PRSS38: variants seen among roughly 807,000 people sequenced by gnomAD.
The protein encoded by PRSS38 is marapsin 2.
Under a neutral mutation model 26.8 loss-of-function variants are expected in PRSS38, and 22 were observed. The ratio of observed to expected loss-of-function variants is 0.82; its 90% CI spans 0.59 to 1.17. The LOEUF (loss-of-function observed/expected upper bound fraction) is 1.17. PRSS38 is among the 50% of genes most tolerant of loss of function. The pLI is 0.00. For synonymous variants in PRSS38, 175 were observed against 172.1 expected (o/e 1.02, Z -0.13); for missense variants, 427 against 422.7 (o/e 1.01, Z -0.09).
chr1:227,824,043 G>A (rs1341170608), intron 3 of PRSS38, among the ~76,000 whole-genome samples: 1 of 152,150 alleles, frequency 6.6e-6, no homozygotes, highest in Non-Finnish European at 1.5e-5. Flanking sequence ...GTTTTCAATA[G>A]AGGTTGTACT....
chr1:227,834,247 C>T (rs568865746), intron 3 of PRSS38, among the ~76,000 whole-genome samples: 92 of 152,268 alleles, frequency 6.0e-4, no homozygotes, highest in African/African-American at 2.0e-3. Flanking sequence ...AACTTTTTGT[C>T]GTTTGAAACT....
At chr1:227,845,746 T>C (rs1368162865) in intron 4 of PRSS38, 134 bp downstream of exon 4, 1 of 1,225,086 alleles carries the variant, frequency 8.2e-7, no homozygotes, top group East Asian at 2.4e-5. Context: ...GGGCGATGTA[T>C]GACAATGTGT....
chr1:227,835,250 T>C (rs909418729), intron 3 of PRSS38, among the ~76,000 whole-genome samples: 1 of 152,198 alleles, frequency 6.6e-6, no homozygotes, highest in African/African-American at 2.4e-5. Context: ...ACATACTCCC[T>C]GCAGAAACAG....
At chr1:227,832,446 A>AT (rs770899029) in intron 3 of PRSS38, among the ~76,000 whole-genome samples, 3 of 151,942 alleles carry the variant, frequency 2.0e-5, no homozygotes, top group Admixed American at 2.0e-4. Context: ...TCTTCCCTTG[A>AT]TTTTTTAGAC....
At chr1:227,826,973 A>C (rs1665082705) in intron 3 of PRSS38, among the ~76,000 whole-genome samples, 2 of 152,146 alleles carry the variant, frequency 1.3e-5, no homozygotes, top group Non-Finnish European at 2.9e-5. Context: ...TATGTGATGG[A>C]TTACGTTTAT....
chr1:227,838,677 G>A (rs765055348), intron 3 of PRSS38, among the ~76,000 whole-genome samples: 9 of 152,264 alleles, frequency 5.9e-5, no homozygotes, highest in Middle Eastern at 6.8e-3. Context: ...TTAAGCTACA[G>A]GACTTACATA....
chr1:227,817,493 T>C lies in PRSS38; in HGVS notation c.583+13T>C, dbSNP rs758758887. 2.5e-6 allele frequency: 4 copies of C among 1,611,802 alleles called. No individual in the cohort carries two copies. The highest frequency in any genetic ancestry group is 2.5e-6 in the Non-Finnish European group (3 of 1,178,074). On this transcript the variant is annotated intron_variant, in intron 3 of 4. Transcript: ENST00000366757. ...GTCTCAAAACAAGGTAGGAATACAGTGCAGGGCTTTGTGGGCAGGATGAAG... is the reference window on the plus strand; with the variant it reads ...GTCTCAAAACAAGGTAGGAATACAGCGCAGGGCTTTGTGGGCAGGATGAAG...
intron 3 of PRSS38, among the ~76,000 whole-genome samples, chr1:227,819,191 ATGG>A (rs1241589751): frequency 4.6e-5 from 7 of 152,010 alleles, no homozygotes. Flanking sequence ...ATGTGGGGAG[ATGG>A]TGGTGCATGG....
At chr1:227,839,267 C>T (rs1665281263) in intron 3 of PRSS38, among the ~76,000 whole-genome samples, 1 of 152,006 alleles carries the variant, frequency 6.6e-6, no homozygotes. Context: ...TGAGACCAGT[C>T]TGGACAACAT....
intron 3 of PRSS38, among the ~76,000 whole-genome samples, chr1:227,821,523 C>A (rs1665003211): frequency 6.6e-6 from 1 of 152,112 alleles, no homozygotes; most frequent in Non-Finnish European, 1.5e-5. Context: ...TATGGAAGAT[C>A]TAGTGGTGCA....
At chr1:227,835,144 G>C (rs371432569) in intron 3 of PRSS38, among the ~76,000 whole-genome samples, 1 of 152,100 alleles carries the variant, frequency 6.6e-6, no homozygotes, top group South Asian at 2.1e-4. Context: ...TTCATCCCTC[G>C]CCAAAATGGC....
At chr1:227,820,062 C>T (rs1272012834) in intron 3 of PRSS38, among the ~76,000 whole-genome samples, 1 of 124,188 alleles carries the variant, frequency 8.1e-6, no homozygotes, top group Non-Finnish European at 1.6e-5. Flanking sequence ...GCACTCCAGC[C>T]TGGGCAACAA....
In PRSS38 at chr1:227,845,514, C is replaced by G. The variant is rs1397572750; in HGVS notation, c.628C>G (p.Leu210Val). 2 of 1,613,232 alleles carry G rather than the reference C, an allele frequency of 1.2e-6. No individual in the cohort carries two copies. Among genetic ancestry groups the G allele is most frequent in the African/African-American group, 1.3e-5 (1 of 74,894 alleles). ...GCAGGAGATGCAGCTCCCGCTGATC[C>G]TGGAGCCCTGGTGCCACCTGCTCTA... The change falls in exon 4 of 5, where the codon CTG (leucine) becomes GTG (valine). Residue 210 changes from leucine (L) to valine (V), a missense_variant. Physicochemically the swap from Leu to Val is conservative, Grantham distance 32 (BLOSUM62 1). Transcript: ENST00000366757.
At position 227,843,201 on chromosome 1, in the gene PRSS38, G is replaced by A. The variant is rs557356736; in HGVS notation, c.584-2269G>A. Among the ~76,000 whole-genome samples, 118 of 152,320 alleles carry A rather than the reference G, an allele frequency of 7.7e-4. 1 individual carries two copies. The South Asian group carries it at 0.024, about 31-fold the overall frequency. ...CTCCAGGATGCATAAATGAGCTGCAGGCCGCAAGACTTGGTTTACGATGCT... is the reference window on the plus strand; with the variant it reads ...CTCCAGGATGCATAAATGAGCTGCAAGCCGCAAGACTTGGTTTACGATGCT... On this transcript the variant is annotated intron_variant, in intron 3 of 4. Coordinates refer to ENST00000366757, the Ensembl canonical transcript of PRSS38.
intron 3 of PRSS38, among the ~76,000 whole-genome samples, chr1:227,837,966 G>A (rs1665262362): frequency 6.6e-6 from 1 of 151,878 alleles, no homozygotes; most frequent in African/African-American, 2.4e-5. Context: ...CTATTTCCCA[G>A]GCTGGTTTCA....
intron 3 of PRSS38, among the ~76,000 whole-genome samples, chr1:227,827,082 G>A (rs1163016202): frequency 2.6e-5 from 4 of 152,178 alleles, no homozygotes; most frequent in African/African-American, 9.7e-5. Flanking sequence ...CGGTTTGCCA[G>A]TATATTGTTG....
chr1:227,830,750 C>T (rs1024240508), intron 3 of PRSS38, among the ~76,000 whole-genome samples: 1 of 151,820 alleles, frequency 6.6e-6, no homozygotes, highest in East Asian at 1.9e-4. Context: ...GGTGATCTGC[C>T]CACCTCGGCC....
chr1:227,835,709 A>G (rs924163034), intron 3 of PRSS38, among the ~76,000 whole-genome samples: 31 of 152,228 alleles, frequency 2.0e-4, no homozygotes, highest in Admixed American at 5.2e-4. Context: ...AGACACTAAA[A>G]GTCCTATATT....
At chr1:227,845,879 C>T (rs1665422575) in intron 4 of PRSS38, 75 bp from the exon 5 acceptor site, 16 of 1,570,094 alleles carry the variant, frequency 1.0e-5, no homozygotes, top group Non-Finnish European at 1.4e-5. Context: ...CACCCCCTTG[C>T]ACCCTGGGGG....
Sources: gnomAD v4.1 joint callset for allele counts (sites outside exome capture counted in the v4.1 genomes callset) on GRCh38, gnomAD v4.1.1 for gene constraint, MANE v1.5 for transcripts, NCBI Gene and HGNC (gene_info 2026-07-23, HGNC 2026-07-21) for gene names.